Variants in BICC1 observed in about 807,000 individuals in gnomAD.
BICC1 encodes protein bicaudal C homolog 1.
A neutral mutation model predicts 111.0 loss-of-function variants in BICC1; 43 were observed. That is an observed-to-expected ratio of 0.39 (90% CI 0.30 to 0.50). The LOEUF (loss-of-function observed/expected upper bound fraction) is 0.50. Among genes scored for constraint, BICC1 ranks in the 20% least tolerant of loss-of-function variants. The probability of loss-of-function intolerance (pLI) is 0.88; values close to 1 mark genes in which losing one functional copy is unlikely to be tolerated. For synonymous variants in BICC1, 467 were observed against 434.4 expected (o/e 1.07, Z -0.93); for missense variants, 1,091 against 1,203.2 (o/e 0.91, Z 1.38).
Position 58,700,397 on chromosome 10 carries a change from A to T in BICC1, c.238-1677A>T, listed in dbSNP as rs142349990. On this transcript the variant is annotated intron_variant, in intron 2 of 20. Transcript: ENST00000373886. The stretch of plus-strand genomic sequence containing the variant: ...TGGCTGATGCAGAGGGAGTTGAGAA[A>T]GATAACATTTTTTCTTTTTTACTAG... Among the ~76,000 whole-genome samples the T allele has an allele frequency of 5.7e-3, 871 of 152,146 alleles. 9 individuals are homozygous for T. The highest frequency in any genetic ancestry group is 0.02 in the African/African-American group (845 of 41,506).
At chr10:58,520,213 A>G (rs768127838) in intron 1 of BICC1, among the ~76,000 whole-genome samples, 3 of 152,216 alleles carry the variant, frequency 2.0e-5, no homozygotes, top group African/African-American at 7.2e-5. Flanking sequence ...ACATAGGGTA[A>G]TAGTGACCAC....
intron 1 of BICC1, among the ~76,000 whole-genome samples, chr10:58,551,258 T>G (rs1843288620): frequency 6.6e-6 from 1 of 152,186 alleles, no homozygotes. Context: ...GTCTCACATT[T>G]ATAACATCTT....
intron 20 of BICC1, among the ~76,000 whole-genome samples, chr10:58,824,863 T>G (rs1179488630): frequency 1.3e-5 from 2 of 152,300 alleles, no homozygotes; most frequent in Non-Finnish European, 2.9e-5. Flanking sequence ...TTCTGTGTAC[T>G]TGCATGAGTT....
intron 12 of BICC1, among the ~76,000 whole-genome samples, chr10:58,799,497 T>C (rs1279402184): frequency 6.6e-6 from 1 of 152,214 alleles, no homozygotes; most frequent in Non-Finnish European, 1.5e-5. Context: ...ATTGCATATT[T>C]AACCAATCTT....
At chr10:58,767,324 A>G (rs1842483958) in intron 3 of BICC1, among the ~76,000 whole-genome samples, 1 of 152,176 alleles carries the variant, frequency 6.6e-6, no homozygotes, top group South Asian at 2.1e-4. Flanking sequence ...GAAGGTACAC[A>G]ATCTTAAGAA....
intron 3 of BICC1, among the ~76,000 whole-genome samples, chr10:58,761,760 T>C (rs1172224403): frequency 6.6e-6 from 1 of 152,150 alleles, no homozygotes; most frequent in Non-Finnish European, 1.5e-5. Context: ...ATGGAAATCT[T>C]TGATTTTTGG....
At chr10:58,540,184 AC>A (rs1301086785) in intron 1 of BICC1, among the ~76,000 whole-genome samples, 2 of 151,906 alleles carry the variant, frequency 1.3e-5, no homozygotes, top group African/African-American at 4.8e-5. Flanking sequence ...CCAATCAACA[AC>A]CTAACTTTAT....
chr10:58,639,719 ATTTT>A (rs71033694), intron 2 of BICC1, among the ~76,000 whole-genome samples: 2 of 93,184 alleles, frequency 2.1e-5, no homozygotes, highest in Admixed American at 1.5e-4. Flanking sequence ...GCCCGGCCAA[ATTTT>A]TTTTTTTTTT....
chr10:58,800,547 AT>A (rs1373835320), intron 13 of BICC1, among the ~76,000 whole-genome samples: 2 of 152,320 alleles, frequency 1.3e-5, no homozygotes, highest in Admixed American at 1.3e-4. Flanking sequence ...TCCCCATTAC[AT>A]TGTAAGTTCC....
intron 1 of BICC1, among the ~76,000 whole-genome samples, chr10:58,576,704 T>A (rs1024256232): frequency 6.6e-6 from 1 of 152,318 alleles, no homozygotes; most frequent in South Asian, 2.1e-4. Context: ...AAATATACTG[T>A]TTAAAAGGAT....
chr10:58,563,132 G>C (rs1843656642), intron 1 of BICC1, among the ~76,000 whole-genome samples: 1 of 152,134 alleles, frequency 6.6e-6, no homozygotes. Flanking sequence ...CTTCTCTGTA[G>C]GCATGGTGAG....
At chr10:58,775,435 CT>C (rs1842725969) in intron 3 of BICC1, among the ~76,000 whole-genome samples, 1 of 151,898 alleles carries the variant, frequency 6.6e-6, no homozygotes, top group Non-Finnish European at 1.5e-5. Context: ...TAAGCAGGAA[CT>C]TTGCCTTTGA....
chr10:58,599,242 A>C (rs1051173324), intron 1 of BICC1, among the ~76,000 whole-genome samples: 8 of 152,178 alleles, frequency 5.3e-5, no homozygotes, highest in African/African-American at 1.9e-4. Context: ...AAAAACTTGG[A>C]ACCAACCCAA....
intron 3 of BICC1, among the ~76,000 whole-genome samples, chr10:58,744,585 A>T (rs1050793000): frequency 6.6e-6 from 1 of 152,122 alleles, no homozygotes; most frequent in Non-Finnish European, 1.5e-5. Flanking sequence ...AGTGACAATT[A>T]TTCTTTATTT....
rs1840742120 is a variant in BICC1, at chr10:58,716,404, T to C, written c.307+14261T>C. ...ATGAATTTTCTTGTTTTTAGAATTA[T>C]TCCTGGACTATTCAGTAGCCACTCA... On this transcript the variant is annotated intron_variant, in intron 3 of 20. Transcript: ENST00000373886. 2.1e-5 allele frequency: 22 copies of C among 1,048,240 alleles called. No homozygotes were observed. In the South Asian group the frequency reaches 3.6e-4, roughly 17 times the overall value. The allele number at this position is 1,048,240 out of a possible 1,614,324, so 64.9% of individuals were successfully genotyped here.
chr10:58,551,455 A>G (rs1843292785), intron 1 of BICC1, among the ~76,000 whole-genome samples: 1 of 152,184 alleles, frequency 6.6e-6, no homozygotes, highest in Non-Finnish European at 1.5e-5. Context: ...GCTAATTAAC[A>G]TATCCATTAC....
intron 1 of BICC1, among the ~76,000 whole-genome samples, chr10:58,589,461 C>CTTT (rs35939695): frequency 2.0e-5 from 3 of 148,928 alleles, no homozygotes; most frequent in South Asian, 2.1e-4. Context: ...TACAGCTTTA[C>CTTT]TTTTTTTTTT....
In BICC1 at chr10:58,800,876, CT is replaced by C; in HGVS notation, c.1859-10del. 1 of 1,563,422 alleles carries C rather than the reference CT, an allele frequency of 6.4e-7. No individual in the cohort carries two copies. The highest frequency in any genetic ancestry group is 2.0e-5 in the Admixed American group (1 of 49,308). On this transcript the variant is annotated splice_polypyrimidine_tract_variant and intron_variant, in intron 13 of 20. Coordinates refer to ENST00000373886, the MANE Select transcript of BICC1 (RefSeq NM_001080512.3). ...TGTTTAGGTGTTTCACTTTTTTTTC[CT>C]TTTCCTCTGCAGGTTGTAATGATGC...
intron 8 of BICC1, 25 bp downstream of exon 8, chr10:58,789,958 C>G (rs761445111): frequency 3.7e-6 from 6 of 1,611,160 alleles, no homozygotes; most frequent in Non-Finnish European, 5.1e-6. Context: ...ATAAGTGTTA[C>G]AATTTTTTTA....
Sources: gnomAD v4.1 joint callset for allele counts (sites outside exome capture counted in the v4.1 genomes callset) on GRCh38, gnomAD v4.1.1 for gene constraint, MANE v1.5 for transcripts, NCBI Gene and HGNC (gene_info 2026-07-23, HGNC 2026-07-21) for gene names.